The following CHD5 variants were observed in gnomAD, a reference collection of about 807,000 sequenced individuals.
The protein encoded by CHD5 is ATP-dependent chromatin remodeler CHD5.
In CHD5, 69 loss-of-function variants were observed where a neutral mutation model predicts 230.3. The ratio of observed to expected loss-of-function variants is 0.30; its 90% CI spans 0.25 to 0.37. The LOEUF is 0.37. Among genes scored for constraint, CHD5 ranks in the 10% least tolerant of loss-of-function variants. The probability of loss-of-function intolerance (pLI) is 1.00; values close to 1 mark genes in which losing one functional copy is unlikely to be tolerated. For synonymous variants in CHD5, 1,064 were observed against 1,065.9 expected, an observed-to-expected ratio of 1.00 and a Z score of 0.03; for missense variants, 1,827 against 2,622.8, an observed-to-expected ratio of 0.70 and a Z score of 6.63.
chr1:6,138,742 G>A (rs994831325), intron 15 of CHD5, among the ~76,000 whole-genome samples: 3 of 152,330 alleles, frequency 2.0e-5, no homozygotes, highest in Admixed American at 1.3e-4. Context: ...CATATGATCC[G>A]GCAGTTCCAC....
rs760245748 is a variant in CHD5, at chr1:6,106,653, C to T, written c.5705G>A (p.Arg1902His). Reference protein sequence around the residue: ...LQMSERSILSRLTNRAGDPTI... With the variant: ...LQMSERSILSHLTNRAGDPTI... Reference sequence around the variant, plus strand: ...GGGGTCCCCGGCGCGGTTGGTCAGGCGGCTCAGGATGCTGCGCTCCGACAT... The same window carrying T: ...GGGGTCCCCGGCGCGGTTGGTCAGGTGGCTCAGGATGCTGCGCTCCGACAT... The change falls in exon 39 of 42, where the codon CGC (arginine) becomes CAC (histidine). Residue 1902 changes from arginine (R) to histidine (H), a missense_variant. Physicochemically the swap from Arg to His is conservative, Grantham distance 29. Around this residue, in one of 14 missense-constraint regions of CHD5, gnomAD observed 208 missense variants for 302.0 expected, o/e 0.69. Coordinates refer to ENST00000262450, the MANE Select transcript of CHD5 (RefSeq NM_015557.3). 1.2e-6 allele frequency: 2 copies of T among 1,604,260 alleles called. No homozygotes were observed. The highest frequency in any genetic ancestry group is 1.7e-6 in the Non-Finnish European group (2 of 1,175,980).
At chr1:6,138,809 C>T (rs981622870) in intron 15 of CHD5, among the ~76,000 whole-genome samples, 1 of 152,202 alleles carries the variant, frequency 6.6e-6, no homozygotes, top group Admixed American at 6.5e-5. Flanking sequence ...TATGTGCACA[C>T]CCATAATCCT....
chr1:6,155,399 G>A lies in CHD5; in HGVS notation c.506+200C>T, dbSNP rs547020570. 1.0e-3 allele frequency among the ~76,000 whole-genome samples: 159 copies of A among 152,292 alleles called. 1 individual carries two copies. The highest frequency in any genetic ancestry group is 1.8e-4 in the Non-Finnish European group (12 of 68,018). ...GAAGAGACTCAAGGGCTGAGGGGCA[G>A]GGCCCACAAGGGAAGGCCTGGTGGT... On this transcript the variant is annotated intron_variant, in intron 4 of 41. Coordinates refer to ENST00000262450, the MANE Select transcript of CHD5 (RefSeq NM_015557.3). This position sits in a 1 kb window ranked among gnomAD's most constrained non-coding sequence, Gnocchi z 4.0.
At chr1:6,112,076 T>G (rs1218732215) in intron 35 of CHD5, 64 bp downstream of exon 35, 7 of 1,571,754 alleles carry the variant, frequency 4.5e-6, no homozygotes, top group Non-Finnish European at 6.1e-6. Flanking sequence ...TAACCACTGG[T>G]CTAGACTCCT....
At chr1:6,145,138 G>C (rs540859477) in intron 11 of CHD5, among the ~76,000 whole-genome samples, 2 of 152,224 alleles carry the variant, frequency 1.3e-5, no homozygotes, top group Admixed American at 6.5e-5. Flanking sequence ...ATAGTTGAAG[G>C]GGGGCAGTTT....
At chr1:6,160,381 AGCCCTAGCCAGGGAAGG>A (rs1294281906) in intron 2 of CHD5, among the ~76,000 whole-genome samples, 11 of 110,154 alleles carry the variant, frequency 1.0e-4, no homozygotes, top group South Asian at 7.1e-4. Context: ...AGAGAAGAAG[AGCCCTAGCCAGGGAAGG>A]GCCCCAGCCA....
chr1:6,149,228 G>A lies in CHD5; in HGVS notation c.1161+18C>T. 1.3e-6 allele frequency: 2 copies of A among 1,565,092 alleles called. No homozygotes were observed. Among genetic ancestry groups the A allele is most frequent in the Non-Finnish European group, 1.7e-6 (2 of 1,150,414 alleles). ...AGGCGTGGCCCCGCCCCCAGCCCGGGGCTCTGCCAAGGCTTACACAGTGGG... is the reference window on the plus strand; with the variant it reads ...AGGCGTGGCCCCGCCCCCAGCCCGGAGCTCTGCCAAGGCTTACACAGTGGG... On this transcript the variant is annotated intron_variant, in intron 8 of 41. Transcript: ENST00000262450.
At chr1:6,140,873 A>G (rs1416071746) in intron 15 of CHD5, among the ~76,000 whole-genome samples, 1 of 151,774 alleles carries the variant, frequency 6.6e-6, no homozygotes, top group Non-Finnish European at 1.5e-5. Flanking sequence ...GGTGGTGTGT[A>G]CCTGTAGTCC....
At chr1:6,135,011 T>C in intron 18 of CHD5, 152 bp from the exon 19 acceptor site, 1 of 1,086,230 alleles carries the variant, frequency 9.2e-7, no homozygotes, top group Non-Finnish European at 1.3e-6. Context: ...CGGCCTGGAG[T>C]CCCCCTGCAA....
At chr1:6,169,373 G>A (rs986138486) in intron 1 of CHD5, among the ~76,000 whole-genome samples, 1 of 152,212 alleles carries the variant, frequency 6.6e-6, no homozygotes, top group Admixed American at 6.5e-5. Context: ...GCACTGACTC[G>A]AAAGGCCGAG....
Position 6,154,527 on chromosome 1 carries a change from C to T in CHD5, c.745+133G>A. 2 of 736,714 alleles carry T rather than the reference C, an allele frequency of 2.7e-6. No individual in the cohort carries two copies. The highest frequency in any genetic ancestry group is 2.1e-6 in the Non-Finnish European group (1 of 475,204). The allele number at this position is 736,714 out of a possible 1,614,324, so 45.6% of individuals were successfully genotyped here. On this transcript the variant is annotated intron_variant, in intron 5 of 41. Coordinates refer to ENST00000262450, the MANE Select transcript of CHD5 (RefSeq NM_015557.3). This position sits in a 1 kb window ranked among gnomAD's most constrained non-coding sequence, Gnocchi z 7.0. Reference sequence around the variant, plus strand: ...AAGGACCGGGCAATCCAAGGTCACACAGGCACAGAGCCCTCCATTAGGAGC... The same window carrying T: ...AAGGACCGGGCAATCCAAGGTCACATAGGCACAGAGCCCTCCATTAGGAGC...
chr1:6,147,521 A>G (rs1666929971), intron 9 of CHD5, among the ~76,000 whole-genome samples: 1 of 152,190 alleles, frequency 6.6e-6, no homozygotes, highest in African/African-American at 2.4e-5. Flanking sequence ...ACAGCCACAA[A>G]CCACACCACT....
intron 2 of CHD5, among the ~76,000 whole-genome samples, chr1:6,166,365 G>A (rs1667254984): frequency 6.6e-6 from 1 of 151,880 alleles, no homozygotes; most frequent in African/African-American, 2.4e-5. Flanking sequence ...GCACACTCAG[G>A]AAGCTCTCCC....
chr1:6,168,209 T>C lies in CHD5; in HGVS notation c.148A>G (p.Lys50Glu), dbSNP rs781038373. 8 of 1,612,266 alleles carry C rather than the reference T, an allele frequency of 5.0e-6. No homozygotes were observed. In the Admixed American group the frequency reaches 6.7e-5, roughly 13 times the overall value. The part of the protein sequence containing the change: ...FPVEPVSLPK[K>E]KKPKKLKENK... ...TCCTTGAGCTTCTTGGGTTTCTTCTTCTTAGGAAGGCTCACGGGCTCCACA... is the reference window on the plus strand; with the variant it reads ...TCCTTGAGCTTCTTGGGTTTCTTCTCCTTAGGAAGGCTCACGGGCTCCACA... The change falls in exon 2 of 42, where the codon AAG becomes GAG. Residue 50 changes from lysine (K) to glutamate (E), a missense_variant. By Grantham distance (56) the Lys-to-Glu change is moderately conservative. Coordinates refer to ENST00000262450, the MANE Select transcript of CHD5 (RefSeq NM_015557.3).
intron 15 of CHD5, among the ~76,000 whole-genome samples, chr1:6,141,805 TGGAAGGAGGAA>T (rs1666832475): frequency 6.6e-6 from 1 of 152,146 alleles, no homozygotes; most frequent in African/African-American, 2.4e-5. Context: ...ACCAGGAGGC[TGGAAGGAGGAA>T]GGAAGGGTTC....
At position 6,116,021 on chromosome 1, in the gene CHD5, T is replaced by G. The variant is rs896849284; in HGVS notation, c.4913-3023A>C. 2.0e-5 allele frequency among the ~76,000 whole-genome samples: 3 copies of G among 152,300 alleles called. No individual in the cohort carries two copies. In the East Asian group the frequency reaches 5.8e-4, roughly 29 times the overall value. ...GATAACAAAAAAGAAGCAAAAGATA[T>G]GAAAACTTATCAGCCCCCATCTTTT... On this transcript the variant is annotated intron_variant, in intron 33 of 41. Coordinates refer to ENST00000262450, the MANE Select transcript of CHD5 (RefSeq NM_015557.3).
rs1666703572 is a variant in CHD5, at chr1:6,134,260, C to T, written c.3013-1G>A. 1 of 1,612,534 alleles carries T rather than the reference C, an allele frequency of 6.2e-7. No homozygotes were observed. On this transcript the variant is annotated splice_acceptor_variant, in intron 19 of 41. Coordinates refer to ENST00000262450, the MANE Select transcript of CHD5 (RefSeq NM_015557.3). LOFTEE classifies it high-confidence loss of function. The surrounding 1 kb of genome is among the most constrained non-coding windows in gnomAD (Gnocchi z 6.3). Reference sequence around the variant, plus strand: ...AGCCATTGGGCAAGACAGGGGCCTCCTGCAGACACAGCAGGAGGTGGGGCA... The same window carrying T: ...AGCCATTGGGCAAGACAGGGGCCTCTTGCAGACACAGCAGGAGGTGGGGCA...
At position 6,154,206 on chromosome 1, in the gene CHD5, C is replaced by A. The variant is rs1667046471; in HGVS notation, c.745+454G>T. Among the ~76,000 whole-genome samples the A allele has an allele frequency of 6.6e-6, 1 of 152,190 alleles. No homozygotes were observed. Among genetic ancestry groups the A allele is most frequent in the South Asian group, 2.1e-4 (1 of 4,836 alleles). ...AGGGCCTGGAGAACAACCCTGCACA[C>A]AGTGGGTATGCAGACAAGAAGAAGA... On this transcript the variant is annotated intron_variant, in intron 5 of 41. Coordinates refer to ENST00000262450, the MANE Select transcript of CHD5 (RefSeq NM_015557.3). This position sits in a 1 kb window ranked among gnomAD's most constrained non-coding sequence, Gnocchi z 7.0.
chr1:6,166,292 G>A (rs1025831331), intron 2 of CHD5, among the ~76,000 whole-genome samples: 1 of 151,320 alleles, frequency 6.6e-6, no homozygotes, highest in Non-Finnish European at 1.5e-5. Context: ...GCAGGGGCTT[G>A]GAGTGGCAGC....
Sources: allele counts gnomAD v4.1 joint callset (sites outside exome capture counted in the v4.1 genomes callset), GRCh38; gene constraint gnomAD v4.1.1; regional missense constraint gnomAD v4.1.1; non-coding constraint Gnocchi (gnomAD v3.1); transcripts MANE v1.5; gene names NCBI Gene and HGNC (gene_info 2026-07-23, HGNC 2026-07-21).